Variants in POFUT3 observed in about 807,000 individuals in gnomAD.
POFUT3 encodes protein O-fucosyltransferase 3.
At chr8:33,311,133 C>A in the POFUT3 span, among the ~76,000 whole-genome samples, 1 of 152,164 alleles carries the variant, frequency 6.6e-6, no homozygotes, top group Admixed American at 6.6e-5. Context: ...ATTCTCCTTG[C>A]TTTATTTGCT....
the POFUT3 span, among the ~76,000 whole-genome samples, chr8:33,442,531 A>C: frequency 7.2e-6 from 1 of 139,674 alleles, no homozygotes; most frequent in Non-Finnish European, 1.6e-5. Flanking sequence ...TGATCCGCCC[A>C]CCTCAGCCTC....
the POFUT3 span, among the ~76,000 whole-genome samples, chr8:33,387,816 GAAC>G: frequency 6.6e-6 from 1 of 151,984 alleles, no homozygotes; most frequent in African/African-American, 2.4e-5. Context: ...AAAAAAAGAA[GAAC>G]AAGAAAATAT....
At chr8:33,372,091 A>T in the POFUT3 span, 1 of 924,022 alleles carries the variant, frequency 1.1e-6, no homozygotes, top group South Asian at 5.0e-5. Context: ...AACTTGAAAC[A>T]GCTTTTATTA....
chr8:33,397,664 A>G, the POFUT3 span, among the ~76,000 whole-genome samples: 1 of 152,278 alleles, frequency 6.6e-6, no homozygotes, highest in East Asian at 1.9e-4. Flanking sequence ...AACTCTGTAG[A>G]GGGTTTGTTG....
At chr8:33,385,133 C>A in the POFUT3 span, among the ~76,000 whole-genome samples, 1 of 152,194 alleles carries the variant, frequency 6.6e-6, no homozygotes, top group Non-Finnish European at 1.5e-5. Flanking sequence ...GGAACCAACC[C>A]ATTGAAGTAG....
the POFUT3 span, among the ~76,000 whole-genome samples, chr8:33,450,783 A>C: frequency 2.0e-5 from 3 of 152,222 alleles, no homozygotes; most frequent in East Asian, 1.9e-4. Flanking sequence ...TTGGAGATTA[A>C]GTCCATCCCA....
the POFUT3 span, among the ~76,000 whole-genome samples, chr8:33,384,775 C>T: frequency 6.6e-5 from 10 of 152,004 alleles, no homozygotes; most frequent in East Asian, 1.9e-4. Context: ...AAGCCAAGTT[C>T]GTGCCACCAC....
At chr8:33,446,661 CT>C in the POFUT3 span, among the ~76,000 whole-genome samples, 1 of 152,126 alleles carries the variant, frequency 6.6e-6, no homozygotes, top group Non-Finnish European at 1.5e-5. Context: ...TAATGCCATT[CT>C]CTGTCTAACC....
the POFUT3 span, among the ~76,000 whole-genome samples, chr8:33,309,377 T>TGTGTGTG: frequency 0.052 from 7,580 of 145,952 alleles, 261 homozygotes; most frequent in African/African-American, 0.086. Flanking sequence ...GTGTGTGTGT[T>TGTGTGTG]TTTCTCCCCT....
At chr8:33,359,130 C>A in the POFUT3 span, among the ~76,000 whole-genome samples, 1 of 151,742 alleles carries the variant, frequency 6.6e-6, no homozygotes, top group Non-Finnish European at 1.5e-5. Flanking sequence ...TTTCAAACAG[C>A]AAAAAAATAA....
At chr8:33,423,945 C>T in the POFUT3 span, among the ~76,000 whole-genome samples, 1 of 151,618 alleles carries the variant, frequency 6.6e-6, no homozygotes, top group African/African-American at 2.4e-5. Context: ...TTGAGACCAG[C>T]CTGGCCAACA....
At chr8:33,452,982 A>C in the POFUT3 span, 1 of 467,556 alleles carries the variant, frequency 2.1e-6, no homozygotes, top group Admixed American at 3.8e-5. Flanking sequence ...CCCTTATCCA[A>C]CCCTTCAGAG....
the POFUT3 span, among the ~76,000 whole-genome samples, chr8:33,418,467 T>C: frequency 6.8e-6 from 1 of 146,824 alleles, no homozygotes; most frequent in South Asian, 2.1e-4. Flanking sequence ...CACGCCCAGC[T>C]AATTTTTGTA....
the POFUT3 span, chr8:33,389,565 T>C: frequency 1.2e-5 from 19 of 1,614,130 alleles, no homozygotes; most frequent in Non-Finnish European, 1.5e-5. Context: ...AGCTTGTTTT[T>C]GGACTGCAAA....
the POFUT3 span, among the ~76,000 whole-genome samples, chr8:33,324,402 T>G: frequency 6.6e-6 from 1 of 152,124 alleles, no homozygotes; most frequent in African/African-American, 2.4e-5. Flanking sequence ...CCCTGGACCC[T>G]TTTTTAGGAT....
At chr8:33,380,098 C>T in the POFUT3 span, among the ~76,000 whole-genome samples, 7 of 49,572 alleles carry the variant, frequency 1.4e-4, no homozygotes, top group African/African-American at 4.6e-4. Flanking sequence ...TATATATATA[C>T]ACTATATATA....
chr8:33,309,393 G>A, the POFUT3 span, among the ~76,000 whole-genome samples: 56 of 130,984 alleles, frequency 4.3e-4, no homozygotes, highest in African/African-American at 6.7e-4. Context: ...CCCCTCGTGC[G>A]TCTTCCGCAC....
the POFUT3 span, among the ~76,000 whole-genome samples, chr8:33,342,671 G>C: frequency 6.6e-6 from 1 of 152,164 alleles, no homozygotes; most frequent in Admixed American, 6.5e-5. Context: ...CTAAATGCTG[G>C]TGAAGAAGCA....
At chr8:33,317,008 A>AC in the POFUT3 span, among the ~76,000 whole-genome samples, 1 of 151,928 alleles carries the variant, frequency 6.6e-6, no homozygotes, top group Non-Finnish European at 1.5e-5. Context: ...CCCCTCATCA[A>AC]CCCCCTTCTT....
Sources: allele counts gnomAD v4.1 joint callset (sites outside exome capture counted in the v4.1 genomes callset), GRCh38; gene constraint gnomAD v4.1.1; transcripts MANE v1.5; gene names NCBI Gene and HGNC (gene_info 2026-07-23, HGNC 2026-07-21).